PDE7B: variants seen among roughly 807,000 people sequenced by gnomAD.
PDE7B encodes phosphodiesterase 7B, also known as 3',5'-cyclic-AMP phosphodiesterase 7B.
PDE7B carries 29 observed loss-of-function variants against 56.2 expected under a neutral mutation model. The observed-to-expected ratio is 0.52, with a 90% CI of 0.38 to 0.70. The LOEUF is 0.70. Ranked by LOEUF, PDE7B falls within the 30% of genes least tolerant of loss-of-function variation. PDE7B has a pLI of 0.00. For synonymous variants in PDE7B, 197 were observed against 196.9 expected, an observed-to-expected ratio of 1.00 and a Z score of 0.00; for missense variants, 490 against 565.0, an observed-to-expected ratio of 0.87 and a Z score of 1.35.
At chr6:135,905,693 G>A (rs1284663339) in intron 1 of PDE7B, among the ~76,000 whole-genome samples, 4 of 152,160 alleles carry the variant, frequency 2.6e-5, no homozygotes, top group Admixed American at 6.5e-5. Flanking sequence ...AGCACAGCCC[G>A]TCTTGCCATG....
At chr6:136,133,966 A>T (rs1315703052) in intron 3 of PDE7B, among the ~76,000 whole-genome samples, 1 of 152,156 alleles carries the variant, frequency 6.6e-6, no homozygotes, top group African/African-American at 2.4e-5. Context: ...CTTTTGGGAG[A>T]TAAAAATGGA....
chr6:136,126,924 C>G (rs1778031655), intron 3 of PDE7B, among the ~76,000 whole-genome samples: 1 of 152,082 alleles, frequency 6.6e-6, no homozygotes, highest in Non-Finnish European at 1.5e-5. Context: ...AACCAAATAC[C>G]ACCTGTTCCC....
At chr6:136,164,793 T>C (rs1022155174) in intron 8 of PDE7B, among the ~76,000 whole-genome samples, 3 of 152,086 alleles carry the variant, frequency 2.0e-5, no homozygotes, top group African/African-American at 7.2e-5. Flanking sequence ...AGAATGAAAA[T>C]ACAAACTCTA....
chr6:135,951,060 C>T (rs576214844), intron 2 of PDE7B, among the ~76,000 whole-genome samples: 12 of 152,256 alleles, frequency 7.9e-5, no homozygotes, highest in South Asian at 6.2e-4. Context: ...GCTGACTACA[C>T]GGAGTGTTAA....
At chr6:136,138,491 T>C (rs370956622) in intron 3 of PDE7B, among the ~76,000 whole-genome samples, 5 of 152,272 alleles carry the variant, frequency 3.3e-5, no homozygotes, top group Admixed American at 2.0e-4. Context: ...CGATAAGTTA[T>C]TAATGTTAGT....
intron 3 of PDE7B, among the ~76,000 whole-genome samples, chr6:136,126,923 C>T (rs1292669506): frequency 2.0e-5 from 3 of 152,050 alleles, no homozygotes; most frequent in African/African-American, 7.2e-5. Flanking sequence ...TAACCAAATA[C>T]CACCTGTTCC....
intron 2 of PDE7B, among the ~76,000 whole-genome samples, chr6:135,970,107 C>T (rs1223746784): frequency 6.6e-6 from 1 of 151,882 alleles, no homozygotes; most frequent in East Asian, 1.9e-4. Context: ...TCTTTACCTG[C>T]GTGGAAATAG....
chr6:136,155,461 GT>G (rs2128447786), intron 7 of PDE7B, among the ~76,000 whole-genome samples, 165 bp from the exon 8 acceptor site: 1 of 152,284 alleles, frequency 6.6e-6, no homozygotes, highest in African/African-American at 2.4e-5. Flanking sequence ...CTTTTTGCCT[GT>G]GATTTCATGT....
intron 2 of PDE7B, among the ~76,000 whole-genome samples, chr6:136,076,149 G>C (rs1214480650): frequency 6.6e-6 from 1 of 152,162 alleles, no homozygotes; most frequent in Non-Finnish European, 1.5e-5. Context: ...ACCACTAAGT[G>C]CCTGCAGAAG....
intron 1 of PDE7B, among the ~76,000 whole-genome samples, chr6:135,895,484 C>T (rs945422618): frequency 2.6e-5 from 4 of 152,096 alleles, no homozygotes; most frequent in African/African-American, 7.2e-5. Context: ...GCCGGGTCTA[C>T]GAGTAATTCA....
chr6:135,922,858 G>A (rs1200178266), intron 1 of PDE7B, among the ~76,000 whole-genome samples: 1 of 152,118 alleles, frequency 6.6e-6, no homozygotes, highest in East Asian at 1.9e-4. Context: ...ACTTGATGAG[G>A]CAGAAAAACC....
At chr6:136,164,403 G>A (rs888427177) in intron 8 of PDE7B, among the ~76,000 whole-genome samples, 1 of 152,140 alleles carries the variant, frequency 6.6e-6, no homozygotes, top group African/African-American at 2.4e-5. Context: ...TACAATTCAA[G>A]ATGAGATTTG....
chr6:135,930,117 G>A (rs1488401442), intron 1 of PDE7B, among the ~76,000 whole-genome samples: 1 of 152,138 alleles, frequency 6.6e-6, no homozygotes, highest in Non-Finnish European at 1.5e-5. Flanking sequence ...AATTCCATAT[G>A]GCTGGGGAGG....
chr6:135,919,140 C>T (rs1454324249), intron 1 of PDE7B, among the ~76,000 whole-genome samples: 1 of 152,132 alleles, frequency 6.6e-6, no homozygotes, highest in African/African-American at 2.4e-5. Context: ...AATGTCTTCT[C>T]AAAACAAAAG....
At chr6:135,949,785 A>G (rs1774664867) in intron 2 of PDE7B, among the ~76,000 whole-genome samples, 1 of 152,082 alleles carries the variant, frequency 6.6e-6, no homozygotes, top group African/African-American at 2.4e-5. Context: ...GGAAGTTTTT[A>G]TTAGTTTCAG....
intron 1 of PDE7B, among the ~76,000 whole-genome samples, chr6:135,947,229 A>G (rs962800791): frequency 3.3e-5 from 5 of 152,122 alleles, no homozygotes; most frequent in Non-Finnish European, 7.4e-5. Context: ...ATGGGAGCAC[A>G]TAGAATCTGC....
intron 2 of PDE7B, among the ~76,000 whole-genome samples, chr6:136,053,235 T>TCACA (rs1389975868): frequency 1.7e-5 from 2 of 117,960 alleles, no homozygotes; most frequent in African/African-American, 6.7e-5. Flanking sequence ...ACAGGCCCGG[T>TCACA]GTGTGATGTT....
chr6:136,135,788 G>A (rs1049189752), intron 3 of PDE7B, among the ~76,000 whole-genome samples: 3 of 152,056 alleles, frequency 2.0e-5, no homozygotes, highest in African/African-American at 7.2e-5. Flanking sequence ...TTACAACCAA[G>A]TCTAAGTTAT....
intron 3 of PDE7B, among the ~76,000 whole-genome samples, chr6:136,114,669 G>T (rs1777802087): frequency 6.6e-6 from 1 of 152,162 alleles, no homozygotes; most frequent in Non-Finnish European, 1.5e-5. Context: ...TGGATGATTT[G>T]AATTCAGTCA....
Sources: gnomAD v4.1 joint callset for allele counts (sites outside exome capture counted in the v4.1 genomes callset) on GRCh38, gnomAD v4.1.1 for gene constraint, MANE v1.5 for transcripts, NCBI Gene and HGNC (gene_info 2026-07-23, HGNC 2026-07-21) for gene names.